The following BLTP1 variants were observed in gnomAD, a reference collection of about 807,000 sequenced individuals.
The protein encoded by BLTP1 is bridge-like lipid transfer protein family member 1.
the BLTP1 span, chr4:122,288,952 C>T: frequency 3.8e-6 from 4 of 1,066,594 alleles, no homozygotes; most frequent in South Asian, 1.8e-5. Flanking sequence ...ATATTTTTAA[C>T]TTTTCTTCAA....
the BLTP1 span, chr4:122,200,583 CAAA>C: frequency 1.6e-3 from 1,455 of 898,202 alleles, no homozygotes; most frequent in Non-Finnish European, 1.7e-3. Context: ...CGTCTCAAAA[CAAA>C]AAAAAAAAAA....
the BLTP1 span, chr4:122,254,325 C>T: frequency 6.2e-7 from 1 of 1,609,642 alleles, no homozygotes; most frequent in Non-Finnish European, 8.5e-7. Context: ...AATGTGAGAT[C>T]TCACACACAT....
At chr4:122,274,426 C>A in the BLTP1 span, 1 of 1,601,036 alleles carries the variant, frequency 6.2e-7, no homozygotes, top group Non-Finnish European at 8.5e-7. Flanking sequence ...AGGGATTACA[C>A]CAAATATACA....
At chr4:122,184,966 C>T in the BLTP1 span, 4 of 984,348 alleles carry the variant, frequency 4.1e-6, no homozygotes, top group Non-Finnish European at 4.8e-6. Context: ...CGCCAGTCTT[C>T]ATCAGGGAAG....
the BLTP1 span, chr4:122,347,840 A>C: frequency 8.2e-7 from 1 of 1,213,246 alleles, no homozygotes; most frequent in Non-Finnish European, 1.1e-6. Context: ...AATCTTAGTT[A>C]CTCTCAGATT....
the BLTP1 span, chr4:122,227,360 G>A: frequency 1.0e-6 from 1 of 985,410 alleles, no homozygotes; most frequent in Non-Finnish European, 1.2e-6. Context: ...AAAAGTAGAT[G>A]GTAATCCCTA....
the BLTP1 span, among the ~76,000 whole-genome samples, chr4:122,181,019 G>A: frequency 6.6e-6 from 1 of 152,140 alleles, no homozygotes. Context: ...TATTTATTCA[G>A]ATCCATATTC....
At chr4:122,317,649 T>C in the BLTP1 span, among the ~76,000 whole-genome samples, 1 of 151,884 alleles carries the variant, frequency 6.6e-6, no homozygotes, top group Admixed American at 6.6e-5. Flanking sequence ...TTTTTTTTTT[T>C]AAACAATCAA....
the BLTP1 span, chr4:122,220,968 A>G: frequency 3.7e-5 from 15 of 405,210 alleles, no homozygotes; most frequent in Non-Finnish European, 5.0e-5. Context: ...ATCAAGTGAG[A>G]ATTTGAAAAT....
the BLTP1 span, among the ~76,000 whole-genome samples, chr4:122,297,127 TAA>T: frequency 4.6e-5 from 7 of 151,848 alleles, no homozygotes; most frequent in Non-Finnish European, 7.4e-5. Flanking sequence ...ACCATCAGAG[TAA>T]ACAGACAGAA....
At chr4:122,188,734 T>C in the BLTP1 span, among the ~76,000 whole-genome samples, 1 of 152,088 alleles carries the variant, frequency 6.6e-6, no homozygotes, top group Non-Finnish European at 1.5e-5. Context: ...TTTTATGTTT[T>C]TTCTCAATTT....
At chr4:122,198,531 A>G in the BLTP1 span, 2 of 736,096 alleles carry the variant, frequency 2.7e-6, no homozygotes, top group Non-Finnish European at 3.3e-6. Context: ...ATGCAGTATT[A>G]TACAAATACT....
the BLTP1 span, chr4:122,192,100 A>T: frequency 1.2e-6 from 1 of 825,116 alleles, no homozygotes; most frequent in Non-Finnish European, 1.8e-6. Context: ...AACCCCTTTT[A>T]GGTTCTCAAT....
chr4:122,325,984 A>G, the BLTP1 span: 1 of 424,620 alleles, frequency 2.4e-6, no homozygotes, highest in Non-Finnish European at 4.3e-6. Context: ...TCTACTTTCA[A>G]AATATCTTCC....
chr4:122,229,508 A>G, the BLTP1 span, among the ~76,000 whole-genome samples: 148,210 of 152,264 alleles, frequency 0.97, 72,256 homozygotes, highest in South Asian at 1. Context: ...TGTCAGGGAT[A>G]TAAACTGGCA....
At chr4:122,251,678 CTCT>C in the BLTP1 span, 1 of 864,702 alleles carries the variant, frequency 1.2e-6, no homozygotes, top group South Asian at 5.3e-5. Context: ...TCAGATCCTA[CTCT>C]TCTTGCTGAA....
the BLTP1 span, among the ~76,000 whole-genome samples, chr4:122,358,781 C>T: frequency 4.6e-5 from 7 of 152,070 alleles, no homozygotes; most frequent in Admixed American, 6.6e-5. Flanking sequence ...GAAACTAATG[C>T]CCTAAGAGGA....
At chr4:122,346,424 T>G in the BLTP1 span, 10 of 980,852 alleles carry the variant, frequency 1.0e-5, no homozygotes, top group African/African-American at 1.6e-4. Context: ...AATTCCAACT[T>G]GCCATCACCT....
the BLTP1 span, chr4:122,223,062 C>T: frequency 4.9e-6 from 4 of 817,046 alleles, no homozygotes; most frequent in African/African-American, 5.6e-5. Context: ...TCCCCAGTTC[C>T]CTCAGTAAAA....
Sources: gnomAD v4.1 joint callset for allele counts (sites outside exome capture counted in the v4.1 genomes callset) on GRCh38, gnomAD v4.1.1 for gene constraint, MANE v1.5 for transcripts, NCBI Gene and HGNC (gene_info 2026-07-23, HGNC 2026-07-21) for gene names.